The following SLC1A2 variants were observed in gnomAD, a reference collection of about 807,000 sequenced individuals.
The protein encoded by SLC1A2 is excitatory amino acid transporter 2.
Under a neutral mutation model 48.8 loss-of-function variants are expected in SLC1A2, and 15 were observed. The observed-to-expected ratio is 0.31, with a 90% CI of 0.21 to 0.47. The LOEUF (loss-of-function observed/expected upper bound fraction) is 0.47. Ranked by LOEUF, SLC1A2 falls within the 20% of genes least tolerant of loss-of-function variation. SLC1A2 has a pLI of 0.99. For missense variants in SLC1A2, 502 were observed against 730.5 expected (o/e 0.69, Z 3.61); for synonymous variants, 279 against 272.6 (o/e 1.02, Z -0.23).
rs372812420 is a variant in SLC1A2 at position 35,306,135 on chromosome 11, C to T, written c.669G>A (p.Pro223=). 74 of 1,613,952 alleles carry T rather than the reference C, an allele frequency of 4.6e-5. No homozygotes were observed. The highest frequency in any genetic ancestry group is 1.7e-4 in the Admixed American group (10 of 60,006). Residue 223 remains proline (P), a synonymous_variant, in exon 5 of 11, where the codon CCG becomes CCA. Coordinates refer to ENST00000278379, the MANE Select transcript of SLC1A2 (RefSeq NM_004171.4). ...SLLNETVTEV[P]EETKMVIKKG... ...TCTTGATAACCATCTTAGTCTCCTC[C>T]GGCACCTCAGTCACAGTCTCGTTCA...
intron 1 of SLC1A2, among the ~76,000 whole-genome samples, chr11:35,354,920 G>T (rs7124363): frequency 0.025 from 3,858 of 152,116 alleles, 139 homozygotes; most frequent in East Asian, 0.098. Flanking sequence ...AATTTCCTCC[G>T]TTCTAATTAT....
chr11:35,263,605 G>T (rs543198868), intron 10 of SLC1A2, among the ~76,000 whole-genome samples: 53 of 152,088 alleles, frequency 3.5e-4, no homozygotes, highest in African/African-American at 1.2e-3. Flanking sequence ...ATATTAAGAG[G>T]CCTCTTGAGA....
intron 8 of SLC1A2, chr11:35,286,140 T>C (rs1198488221): frequency 6.6e-6 from 1 of 152,222 alleles, no homozygotes; most frequent in Non-Finnish European, 1.5e-5. Flanking sequence ...TAGGAAAATG[T>C]TCTTTCTGAA....
chr11:35,289,441 C>G (rs1006019828), intron 7 of SLC1A2, among the ~76,000 whole-genome samples: 1 of 140,524 alleles, frequency 7.1e-6, no homozygotes, highest in African/African-American at 2.7e-5. Flanking sequence ...AGATTAAAAC[C>G]ACTTTTTTTT....
chr11:35,412,183 G>T (rs1855483464), intron 1 of SLC1A2, among the ~76,000 whole-genome samples: 1 of 151,886 alleles, frequency 6.6e-6, no homozygotes, highest in East Asian at 1.9e-4. Flanking sequence ...CTCAGTAACA[G>T]CATAAAATCA....
intron 1 of SLC1A2, among the ~76,000 whole-genome samples, chr11:35,368,407 T>G (rs1157954095): frequency 6.6e-6 from 1 of 152,198 alleles, no homozygotes; most frequent in Non-Finnish European, 1.5e-5. Flanking sequence ...GGGATAATCA[T>G]AGTCCCTACC....
intron 1 of SLC1A2, among the ~76,000 whole-genome samples, chr11:35,328,926 T>C (rs2134973772): frequency 1.3e-5 from 2 of 152,298 alleles, no homozygotes; most frequent in East Asian, 1.9e-4. Context: ...CTCCAAAACT[T>C]ATGTCCACAC....
rs368555814 is a variant in SLC1A2, at chr11:35,262,147, G to T, written c.1654-1182C>A. Among the ~76,000 whole-genome samples the T allele has an allele frequency of 7.9e-5, 12 of 152,190 alleles. No individual in the cohort carries two copies. In the South Asian group the frequency reaches 1.2e-3, roughly 16 times the overall value. On this transcript the variant is annotated intron_variant, in intron 10 of 10. Coordinates refer to ENST00000278379, the MANE Select transcript of SLC1A2 (RefSeq NM_004171.4). ...GCAGCAAATTTGTTTCCCTTTCAGT[G>T]AACTGTCAAGAAAGATTGCCAGGGA...
chr11:35,305,332 T>C (rs1395323215), intron 5 of SLC1A2, among the ~76,000 whole-genome samples: 5 of 152,216 alleles, frequency 3.3e-5, no homozygotes, highest in African/African-American at 1.2e-4. Context: ...GTGCCCTATA[T>C]GCACAATCAC....
intron 1 of SLC1A2, among the ~76,000 whole-genome samples, chr11:35,409,981 C>T (rs1336284844): frequency 6.6e-6 from 1 of 151,982 alleles, no homozygotes; most frequent in Non-Finnish European, 1.5e-5. Flanking sequence ...CCCAGCCTGC[C>T]CATCAGAATC....
chr11:35,280,802 C>T (rs1037050580), intron 9 of SLC1A2, 65 bp downstream of exon 9: 3 of 1,172,966 alleles, frequency 2.6e-6, no homozygotes, highest in Middle Eastern at 5.3e-4. Flanking sequence ...TGCAACCTTG[C>T]CACCTGTGCA....
At chr11:35,415,652 A>C (rs1855582325) in intron 1 of SLC1A2, among the ~76,000 whole-genome samples, 1 of 152,224 alleles carries the variant, frequency 6.6e-6, no homozygotes, top group South Asian at 2.1e-4. Context: ...TTGAAATAAT[A>C]AATTCAAGGG....
rs554669381 is a variant in SLC1A2 at position 35,265,564 on chromosome 11, T to C, written c.1616A>G (p.Tyr539Cys). 4.5e-5 allele frequency: 73 copies of C among 1,607,694 alleles called. 1 individual carries two copies. In the South Asian group the frequency reaches 7.6e-4, roughly 17 times the overall value. ...HRESNSNQCV[Y>C]AAHNSVIVDE... ...TACTATGACAGAGTTGTGTGCAGCA[T>C]AGACACATTGATTAGAGTTGCTTTC... The change falls in exon 10 of 11, where the codon TAT becomes TGT. Residue 539 changes from tyrosine to cysteine, a missense_variant. By Grantham distance (194) the Tyr-to-Cys change is radical. Around this residue, in one of 4 missense-constraint regions of SLC1A2, gnomAD observed 102 missense variants for 107.2 expected, o/e 0.95. Transcript: ENST00000278379.
intron 1 of SLC1A2, among the ~76,000 whole-genome samples, chr11:35,344,526 T>G (rs762022438): frequency 4.6e-5 from 7 of 152,160 alleles, no homozygotes; most frequent in African/African-American, 1.4e-4. Flanking sequence ...CCCCTGAAAA[T>G]GCACATACAG....
chr11:35,319,473 A>G (rs1851991003), intron 1 of SLC1A2, among the ~76,000 whole-genome samples: 1 of 152,220 alleles, frequency 6.6e-6, no homozygotes, highest in Non-Finnish European at 1.5e-5. Flanking sequence ...CCTTGAGATC[A>G]TTAATCTCCT....
At chr11:35,386,572 C>CA (rs1421613781) in intron 1 of SLC1A2, among the ~76,000 whole-genome samples, 1 of 152,060 alleles carries the variant, frequency 6.6e-6, no homozygotes, top group Non-Finnish European at 1.5e-5. Flanking sequence ...TTTGAAAATT[C>CA]AAAAAACCCA....
At chr11:35,394,859 G>A (rs1854902790) in intron 1 of SLC1A2, among the ~76,000 whole-genome samples, 1 of 152,228 alleles carries the variant, frequency 6.6e-6, no homozygotes, top group South Asian at 2.1e-4. Context: ...TTCTTCTGTG[G>A]CAGACAGAGA....
chr11:35,415,567 T>C (rs1341219167), intron 1 of SLC1A2, among the ~76,000 whole-genome samples: 1 of 152,234 alleles, frequency 6.6e-6, no homozygotes, highest in East Asian at 1.9e-4. Context: ...CTGTAGGGTC[T>C]TCCTCCTGCT....
chr11:35,279,187 G>C (rs1850542085), intron 9 of SLC1A2, among the ~76,000 whole-genome samples: 1 of 152,178 alleles, frequency 6.6e-6, no homozygotes, highest in South Asian at 2.1e-4. Flanking sequence ...GACTGGCATT[G>C]CCGGAGGCCC....
Sources: gnomAD v4.1 joint callset for allele counts (sites outside exome capture counted in the v4.1 genomes callset) on GRCh38, gnomAD v4.1.1 for gene constraint, gnomAD v4.1.1 regional missense constraint, MANE v1.5 for transcripts, NCBI Gene and HGNC (gene_info 2026-07-23, HGNC 2026-07-21) for gene names.